Variants in MGAT1 observed in about 807,000 individuals in gnomAD.
The protein encoded by MGAT1 is alpha-1,3-mannosyl-glycoprotein 2-beta-N-acetylglucosaminyltransferase.
In MGAT1, 14 loss-of-function variants were observed where a neutral mutation model predicts 31.7. The ratio of observed to expected loss-of-function variants is 0.44; its 90% confidence interval spans 0.29 to 0.69. The LOEUF (loss-of-function observed/expected upper bound fraction) is 0.69, where lower values mean the gene tolerates loss of function less well. MGAT1 is among the 30% of genes least tolerant of loss of function. The pLI is 0.12. For missense variants in MGAT1, 557 were observed against 626.0 expected, an observed-to-expected ratio of 0.89 and a Z score of 1.18; for synonymous variants, 338 against 276.0, an observed-to-expected ratio of 1.22 and a Z score of -2.23.
At chr5:180,796,306 A>C (rs765156727) in intron 1 of MGAT1, among the ~76,000 whole-genome samples, 4 of 152,174 alleles carry the variant, frequency 2.6e-5, no homozygotes, top group Non-Finnish European at 5.9e-5. Context: ...TCTTCTTCCT[A>C]GAAACCAACC....
chr5:180,806,532 C>T (rs1261498620), upstream of MGAT1, among the ~76,000 whole-genome samples: 1 of 152,180 alleles, frequency 6.6e-6, no homozygotes, highest in Non-Finnish European at 1.5e-5. Context: ...GGGCACAGAG[C>T]TTCTCTCCCT....
intron 1 of MGAT1, among the ~76,000 whole-genome samples, chr5:180,798,697 A>C (rs1267273327): frequency 6.6e-6 from 1 of 152,192 alleles, no homozygotes; most frequent in Non-Finnish European, 1.5e-5. Flanking sequence ...ATTTGGTAAA[A>C]TCTGATCTGA....
rs1581776648 is a variant in MGAT1 at position 180,787,611 on chromosome 5, A to G, written c.*4023T>C. On this transcript the variant is annotated 3_prime_UTR_variant, in exon 2 of 2. Transcript: ENST00000307826. Reference sequence around the variant, plus strand: ...AAACACACGTTAAGGGAGCGTGTGCAGTATGTTGTATCTAAAATGAACATG... The same window carrying G: ...AAACACACGTTAAGGGAGCGTGTGCGGTATGTTGTATCTAAAATGAACATG... 6.6e-6 allele frequency: 1 copy of G among 152,238 alleles called. No homozygotes were observed. The highest frequency in any genetic ancestry group is 1.5e-5 in the Non-Finnish European group (1 of 68,044). 9.4% of individuals were successfully genotyped at this position (152,238 alleles called of 1,614,324 possible).
At position 180,792,363 on chromosome 5, in the gene MGAT1, G is replaced by A. The variant is rs374105969; in HGVS notation, c.609C>T (p.Pro203=). ...GGTCATCCTCCACCACCACGGCCGC[G>A]GGGAAGCGAAACTGCCGGAAGACCT... is the stretch of plus-strand genomic sequence containing the variant. ...LGQVFRQFRF[P]AAVVVEDDLE... The change falls in exon 2 of 2, where the codon CCC becomes CCT. Residue 203 remains proline, a synonymous_variant. Coordinates refer to ENST00000307826, the MANE Select transcript of MGAT1 (RefSeq NM_002406.4). 187 of 1,610,956 alleles carry A rather than the reference G, an allele frequency of 1.2e-4. No individual in the cohort carries two copies. Among genetic ancestry groups the A allele is most frequent in the Non-Finnish European group, 1.5e-4 (178 of 1,178,228 alleles).
intron 1 of MGAT1, among the ~76,000 whole-genome samples, chr5:180,812,213 GAATA>G (rs1397747124): frequency 3.3e-5 from 5 of 152,330 alleles, no homozygotes; most frequent in Admixed American, 2.0e-4. Flanking sequence ...CACATTTGTG[GAATA>G]AATGAACCAA....
chr5:180,796,624 T>G (rs1769444384), intron 1 of MGAT1, among the ~76,000 whole-genome samples: 1 of 152,116 alleles, frequency 6.6e-6, no homozygotes, highest in East Asian at 1.9e-4. Context: ...TTCTTTTTTT[T>G]TGAGACAGAG....
At chr5:180,797,439 G>T (rs866812183) in intron 1 of MGAT1, among the ~76,000 whole-genome samples, 44 of 145,320 alleles carry the variant, frequency 3.0e-4, no homozygotes, top group Admixed American at 4.8e-4. Flanking sequence ...AGGGGGGGGG[G>T]GCCCAGAGGG....
intron 1 of MGAT1, among the ~76,000 whole-genome samples, chr5:180,799,320 G>T (rs1401924610): frequency 2.0e-5 from 3 of 152,104 alleles, no homozygotes; most frequent in Non-Finnish European, 4.4e-5. Flanking sequence ...CATATACCTG[G>T]ACGCTGCTGT....
upstream of MGAT1, among the ~76,000 whole-genome samples, chr5:180,806,740 G>A (rs1042668261): frequency 3.9e-5 from 6 of 152,210 alleles, no homozygotes; most frequent in Non-Finnish European, 5.9e-5. Context: ...AGGGAAAACA[G>A]ACAAAACAGA....
intron 1 of MGAT1, chr5:180,795,302 C>T (rs922472969): frequency 2.0e-5 from 3 of 148,610 alleles, no homozygotes; most frequent in South Asian, 2.1e-4. Context: ...TATATATACA[C>T]ACACACACAT....
At chr5:180,801,949 G>A (rs1770860215) in intron 1 of MGAT1, among the ~76,000 whole-genome samples, 1 of 152,240 alleles carries the variant, frequency 6.6e-6, no homozygotes, top group Non-Finnish European at 1.5e-5. Context: ...GCTGATGGAA[G>A]GCAGATCCTG....
intron 1 of MGAT1, chr5:180,795,792 G>C (rs1433197095): frequency 6.6e-6 from 1 of 152,080 alleles, no homozygotes; most frequent in Non-Finnish European, 1.5e-5. Context: ...ACATCAGCAA[G>C]GCAAATTGAG....
intron 1 of MGAT1, among the ~76,000 whole-genome samples, chr5:180,797,432 G>A (rs866891895): frequency 6.9e-6 from 1 of 145,900 alleles, no homozygotes; most frequent in Admixed American, 6.7e-5. Flanking sequence ...AAAAAAAAGG[G>A]GGGGGGGGCC....
At chr5:180,796,509 A>T (rs1316081119) in intron 1 of MGAT1, among the ~76,000 whole-genome samples, 1 of 152,256 alleles carries the variant, frequency 6.6e-6, no homozygotes, top group African/African-American at 2.4e-5. Flanking sequence ...GGGGCCATAC[A>T]GATGGATGAA....
chr5:180,796,095 T>C (rs1392735658), intron 1 of MGAT1, among the ~76,000 whole-genome samples: 1 of 141,388 alleles, frequency 7.1e-6, no homozygotes, highest in African/African-American at 2.6e-5. Flanking sequence ...GCTCTGCCAG[T>C]TGCCCTCTGC....
intron 1 of MGAT1, among the ~76,000 whole-genome samples, chr5:180,794,411 T>TTTTATATATATATATATATA (rs528893463): frequency 6.7e-4 from 95 of 142,020 alleles, no homozygotes; most frequent in East Asian, 4.4e-3. Flanking sequence ...TTTTTTTTTA[T>TTTTATATATATATATATATA]TATATATATA....
intron 1 of MGAT1, among the ~76,000 whole-genome samples, chr5:180,794,411 T>TTATATATATATATATATATATA (rs1554130047): frequency 7.0e-6 from 1 of 141,982 alleles, no homozygotes; most frequent in African/African-American, 2.8e-5. Context: ...TTTTTTTTTA[T>TTATATATATATATATATATATA]TATATATATA....
intron 1 of MGAT1, among the ~76,000 whole-genome samples, chr5:180,799,774 T>C (rs992527896): frequency 6.6e-6 from 1 of 152,234 alleles, no homozygotes; most frequent in Admixed American, 6.5e-5. Flanking sequence ...TGAGGGTCTA[T>C]GTTCCCTCCC....
chr5:180,802,009 G>A (rs1414881393), intron 1 of MGAT1, among the ~76,000 whole-genome samples: 1 of 152,148 alleles, frequency 6.6e-6, no homozygotes, highest in East Asian at 1.9e-4. Flanking sequence ...AAAAAATACC[G>A]TAAATGACTG....
Sources: gnomAD v4.1 joint callset for allele counts (sites outside exome capture counted in the v4.1 genomes callset) on GRCh38, gnomAD v4.1.1 for gene constraint, MANE v1.5 for transcripts, NCBI Gene and HGNC (gene_info 2026-07-23, HGNC 2026-07-21) for gene names.